Variants in LRMDA observed in about 807,000 individuals in gnomAD.
LRMDA encodes leucine rich melanocyte differentiation associated.
A neutral mutation model predicts 29.8 loss-of-function variants in LRMDA; 18 were observed. The ratio of observed to expected loss-of-function variants is 0.60; its 90% CI spans 0.42 to 0.90. The LOEUF (loss-of-function observed/expected upper bound fraction) is 0.90. Among genes scored for constraint, LRMDA ranks in the 40% least tolerant of loss-of-function variants. The pLI is 0.00. For synonymous variants in LRMDA, 125 were observed against 109.4 expected, an observed-to-expected ratio of 1.14 and a Z score of -0.89; for missense variants, 273 against 273.9, an observed-to-expected ratio of 1.00 and a Z score of 0.02.
chr10:76,336,215 G>C (rs1840966916), intron 6 of LRMDA, among the ~76,000 whole-genome samples: 1 of 125,980 alleles, frequency 7.9e-6, no homozygotes, highest in African/African-American at 3.8e-5. Flanking sequence ...ATCCTGACTG[G>C]ATGTAATCCT....
At chr10:75,737,424 A>G (rs1188886189) in intron 2 of LRMDA, among the ~76,000 whole-genome samples, 4 of 152,338 alleles carry the variant, frequency 2.6e-5, no homozygotes, top group Middle Eastern at 3.4e-3. Flanking sequence ...GGCCATGGGT[A>G]TCTGCAGCAG....
At position 75,757,639 on chromosome 10, in the gene LRMDA, G is replaced by A. The variant is rs1291526520; in HGVS notation, c.132-278369G>A. On this transcript the variant is annotated intron_variant, in intron 2 of 6. Transcript: ENST00000611255. ...GGTGCAATGAGATCATAGTGGAACTGCTTTGAGGATTCACTGAGTTAAGAT... is the reference window on the plus strand; with the variant it reads ...GGTGCAATGAGATCATAGTGGAACTACTTTGAGGATTCACTGAGTTAAGAT... Among the ~76,000 whole-genome samples, 4 of 152,116 alleles carry A rather than the reference G, an allele frequency of 2.6e-5. No homozygotes were observed. The East Asian group carries it at 5.8e-4, about 22-fold the overall frequency.
chr10:76,034,745 T>C (rs995170318), intron 2 of LRMDA, among the ~76,000 whole-genome samples: 13 of 152,164 alleles, frequency 8.5e-5, no homozygotes, highest in Admixed American at 7.9e-4. Context: ...GGAAGCACTA[T>C]CAGTAAATGA....
chr10:75,669,962 A>G (rs1244437310), intron 2 of LRMDA, among the ~76,000 whole-genome samples: 1 of 152,230 alleles, frequency 6.6e-6, no homozygotes, highest in Non-Finnish European at 1.5e-5. Flanking sequence ...CCTTTTTTAT[A>G]GCAACATAAA....
rs879617653 is a variant in LRMDA, at chr10:75,636,845, C to CT, written c.131+198363dup. ...CTTCTAAGACCAGAATTGGCAAAGA[C>CT]TTTTTTTTTTTTAACTTGTTTATTG... On this transcript the variant is annotated intron_variant, in intron 2 of 6. Transcript: ENST00000611255. Among the ~76,000 whole-genome samples, 74 of 145,184 alleles carry CT rather than the reference C, an allele frequency of 5.1e-4. 1 individual carries two copies. The highest frequency in any genetic ancestry group is 1.8e-3 in the South Asian group (8 of 4,494).
intron 6 of LRMDA, among the ~76,000 whole-genome samples, chr10:76,354,748 T>C (rs1841218460): frequency 6.6e-6 from 1 of 152,210 alleles, no homozygotes; most frequent in Non-Finnish European, 1.5e-5. Flanking sequence ...TACACGCATA[T>C]AATGTGTAAT....
At chr10:76,459,706 T>C (rs1047188015) in intron 6 of LRMDA, among the ~76,000 whole-genome samples, 1 of 152,202 alleles carries the variant, frequency 6.6e-6, no homozygotes, top group Non-Finnish European at 1.5e-5. Context: ...ACTCAGGTGC[T>C]TCATGTTTTC....
chr10:76,180,613 CCT>C (rs1851030526), intron 5 of LRMDA, among the ~76,000 whole-genome samples: 1 of 151,934 alleles, frequency 6.6e-6, no homozygotes, highest in African/African-American at 2.4e-5. Flanking sequence ...TTTATAGATA[CCT>C]CTGAGGTTTA....
At chr10:75,523,217 C>T (rs1288792398) in intron 2 of LRMDA, among the ~76,000 whole-genome samples, 2 of 152,180 alleles carry the variant, frequency 1.3e-5, no homozygotes, top group African/African-American at 4.8e-5. Flanking sequence ...TACTGGCTCT[C>T]CCTGGGTGGA....
At chr10:76,088,922 C>G (rs954706508) in intron 5 of LRMDA, among the ~76,000 whole-genome samples, 1 of 152,086 alleles carries the variant, frequency 6.6e-6, no homozygotes, top group African/African-American at 2.4e-5. Flanking sequence ...AGACAAAGCC[C>G]TCCTAATTGT....
chr10:75,461,688 A>G (rs1844587385), intron 2 of LRMDA, among the ~76,000 whole-genome samples: 1 of 152,196 alleles, frequency 6.6e-6, no homozygotes, highest in South Asian at 2.1e-4. Flanking sequence ...TCCTCTCCAC[A>G]GGGGAATGCT....
At chr10:75,872,212 T>C (rs1473977215) in intron 2 of LRMDA, among the ~76,000 whole-genome samples, 1 of 152,240 alleles carries the variant, frequency 6.6e-6, no homozygotes, top group Non-Finnish European at 1.5e-5. Flanking sequence ...GGTTCCTTAA[T>C]AAATGTTGGT....
At chr10:76,151,922 A>G (rs1367044211) in intron 5 of LRMDA, among the ~76,000 whole-genome samples, 1 of 152,208 alleles carries the variant, frequency 6.6e-6, no homozygotes, top group Non-Finnish European at 1.5e-5. Flanking sequence ...ATGTAGGATA[A>G]AGTAGTAATG....
intron 2 of LRMDA, among the ~76,000 whole-genome samples, chr10:75,623,294 T>C (rs777392254): frequency 7.2e-5 from 11 of 152,130 alleles, no homozygotes; most frequent in Non-Finnish European, 1.5e-4. Context: ...CCCTTGAAAG[T>C]GGGCTCTGCT....
At chr10:76,461,803 AG>A (rs1842514713) in intron 6 of LRMDA, among the ~76,000 whole-genome samples, 1 of 152,136 alleles carries the variant, frequency 6.6e-6, no homozygotes, top group Non-Finnish European at 1.5e-5. Context: ...GGCCGGGTAC[AG>A]GGGCACACAC....
chr10:76,327,894 A>T (rs1055158654), intron 6 of LRMDA, among the ~76,000 whole-genome samples: 1 of 152,176 alleles, frequency 6.6e-6, no homozygotes, highest in African/African-American at 2.4e-5. Flanking sequence ...ACTTCTAGAT[A>T]GTTGATTATT....
At chr10:75,490,309 T>C (rs1844969410) in intron 2 of LRMDA, among the ~76,000 whole-genome samples, 1 of 149,688 alleles carries the variant, frequency 6.7e-6, no homozygotes, top group African/African-American at 2.5e-5. Flanking sequence ...GCCAAGAATA[T>C]GTATGTGCAT....
chr10:75,679,616 A>G (rs1842001032), intron 2 of LRMDA, among the ~76,000 whole-genome samples: 1 of 152,212 alleles, frequency 6.6e-6, no homozygotes, highest in Non-Finnish European at 1.5e-5. Flanking sequence ...CATGCATGGC[A>G]TTTTGTTATT....
chr10:75,978,907 A>G (rs1019554750), intron 2 of LRMDA, among the ~76,000 whole-genome samples: 2 of 152,218 alleles, frequency 1.3e-5, no homozygotes, highest in Non-Finnish European at 2.9e-5. Context: ...GCCGGCATAT[A>G]GAGATGAGCC....
Sources: gnomAD v4.1 joint callset for allele counts (sites outside exome capture counted in the v4.1 genomes callset) on GRCh38, gnomAD v4.1.1 for gene constraint, MANE v1.5 for transcripts, NCBI Gene and HGNC (gene_info 2026-07-23, HGNC 2026-07-21) for gene names.